The following ZNF469 variants were observed in gnomAD, a reference collection of about 807,000 sequenced individuals.
The protein encoded by ZNF469 is zinc finger protein 469.
ZNF469 carries 1 observed loss-of-function variant against 1.0 expected under a neutral mutation model. The ratio of observed to expected loss-of-function variants is 1.00; its 90% CI spans 0.35 to 4.73. The LOEUF is 4.73. Ranked by LOEUF, ZNF469 falls within the 30% of genes most tolerant of loss-of-function variation. The pLI is 0.16. For synonymous variants in ZNF469, 2,703 were observed against 2,363.4 expected, an observed-to-expected ratio of 1.14 and a Z score of -4.17; for missense variants, 6,100 against 5,356.3, an observed-to-expected ratio of 1.14 and a Z score of -4.33.
the ZNF469 span, among the ~76,000 whole-genome samples, chr16:88,240,463 G>A: frequency 2.0e-5 from 3 of 152,288 alleles, no homozygotes; most frequent in African/African-American, 4.8e-5. Context: ...GTATGGGATC[G>A]GTCACGGGCA....
chr16:88,188,929 G>A, the ZNF469 span, among the ~76,000 whole-genome samples: 5 of 151,984 alleles, frequency 3.3e-5, no homozygotes, highest in Non-Finnish European at 7.4e-5. Context: ...CACGTAGGAG[G>A]CACCTCAAAT....
rs559858759 is a variant in ZNF469 at position 88,425,200 on chromosome 16, C to T, written c.-127+329C>T. ...CAGCTGTGTTCTCAACACTCCTCCC[C>T]ACCATCCAGGACTCCGTAAAGGCCA... On this transcript the variant is annotated intron_variant, in intron 2 of 2. Transcript: ENST00000565624. Among the ~76,000 whole-genome samples, 3 of 152,310 alleles carry T rather than the reference C, an allele frequency of 2.0e-5. No homozygotes were observed. In the South Asian group the frequency reaches 6.2e-4, roughly 32 times the overall value.
chr16:88,305,502 G>A, the ZNF469 span, among the ~76,000 whole-genome samples: 1 of 117,552 alleles, frequency 8.5e-6, no homozygotes, highest in African/African-American at 3.4e-5. Flanking sequence ...AGGCACACAC[G>A]CACACCCTCA....
chr16:88,380,316 C>A (rs1293354521), upstream of ZNF469, among the ~76,000 whole-genome samples: 1 of 137,200 alleles, frequency 7.3e-6, no homozygotes, highest in Non-Finnish European at 1.5e-5. Context: ...CACAGACATG[C>A]ACTCACACAT....
chr16:88,333,995 T>A, the ZNF469 span, among the ~76,000 whole-genome samples: 1 of 149,190 alleles, frequency 6.7e-6, no homozygotes, highest in African/African-American at 2.5e-5. Flanking sequence ...TCTGTGTGTG[T>A]CTGTGTCTAT....
the ZNF469 span, among the ~76,000 whole-genome samples, chr16:88,117,508 C>G: frequency 6.6e-6 from 1 of 151,418 alleles, no homozygotes; most frequent in East Asian, 1.9e-4. Flanking sequence ...CTAGAAGACC[C>G]TGGGGAGGGC....
At chr16:88,420,075 G>C (rs868333771) in intron 1 of ZNF469, among the ~76,000 whole-genome samples, 1 of 152,224 alleles carries the variant, frequency 6.6e-6, no homozygotes, top group Non-Finnish European at 1.5e-5. Context: ...CCACACGCAG[G>C]TTCCATGTGT....
rs969575813 is a variant in ZNF469, at chr16:88,424,842, G to C, written c.-156G>C. On this transcript the variant is annotated 5_prime_UTR_variant, in exon 2 of 3. Transcript: ENST00000565624. This position sits in a 1 kb window ranked among gnomAD's most constrained non-coding sequence, Gnocchi z 4.3. Reference sequence around the variant, plus strand: ...CTCATTCCTCAGGAAGTTGTGCGGCGACCCAGCTGAGGGGCCCCCGACTCC... The same window carrying C: ...CTCATTCCTCAGGAAGTTGTGCGGCCACCCAGCTGAGGGGCCCCCGACTCC... Among the ~76,000 whole-genome samples, 1 of 152,150 alleles carries C rather than the reference G, an allele frequency of 6.6e-6. No individual in the cohort carries two copies. The highest frequency in any genetic ancestry group is 1.5e-5 in the Non-Finnish European group (1 of 68,028).
chr16:88,333,884 G>GTGTGTGTT, the ZNF469 span, among the ~76,000 whole-genome samples: 1 of 151,524 alleles, frequency 6.6e-6, no homozygotes, highest in Non-Finnish European at 1.5e-5. Context: ...GTGTGTTTGT[G>GTGTGTGTT]TGTCTGTGTG....
the ZNF469 span, among the ~76,000 whole-genome samples, chr16:88,141,769 A>G: frequency 3.9e-5 from 6 of 152,188 alleles, no homozygotes; most frequent in African/African-American, 1.4e-4. Context: ...ATGGCAGCAG[A>G]GGTCGTGGTG....
At chr16:88,354,101 G>C in the ZNF469 span, among the ~76,000 whole-genome samples, 2 of 152,242 alleles carry the variant, frequency 1.3e-5, no homozygotes, top group African/African-American at 4.8e-5. Context: ...TTCACAAACA[G>C]TGGGTACTCA....
the ZNF469 span, among the ~76,000 whole-genome samples, chr16:88,305,543 CAT>C: frequency 6.7e-5 from 10 of 149,908 alleles, no homozygotes; most frequent in South Asian, 2.2e-4. Flanking sequence ...CACAGGCACA[CAT>C]GTGTGCACAC....
In ZNF469 at chr16:88,436,196, C is replaced by G; in HGVS notation, c.8726C>G (p.Pro2909Arg). ...CCCACGCTGGGCCCAGCCCGCCTGC[C>G]CACGGACCTCAGCGACTCCAGCTCC... The part of the protein sequence containing the change: ...GDPTLGPARL[P>R]TDLSDSSSLC... Residue 2909 changes from proline to arginine, a missense_variant, in exon 3 of 3, where the codon CCC (proline) becomes CGC (arginine). Transcript: ENST00000565624. 6.5e-7 allele frequency: 1 copy of G among 1,548,158 alleles called. No homozygotes were observed. Among genetic ancestry groups the G allele is most frequent in the Non-Finnish European group, 8.7e-7 (1 of 1,146,868 alleles).
chr16:88,437,297 G>C lies in ZNF469; in HGVS notation c.9827G>C (p.Arg3276Pro). Residue 3276 changes from arginine to proline, a missense_variant, in exon 3 of 3, where the codon CGC becomes CCC. Physicochemically the swap from Arg to Pro is moderately radical, Grantham distance 103 (BLOSUM62 -2). Transcript: ENST00000565624. ...SPGERAKPRA[R>P]STPSNPDGAA... is the part of the protein sequence containing the mutation. ...GGCGAGAGGGCGAAACCCCGGGCACGCAGCACCCCCAGCAACCCAGACGGG... is the reference window on the plus strand; with the variant it reads ...GGCGAGAGGGCGAAACCCCGGGCACCCAGCACCCCCAGCAACCCAGACGGG... 6.5e-7 allele frequency: 1 copy of C among 1,547,522 alleles called. No individual in the cohort carries two copies. Among genetic ancestry groups the C allele is most frequent in the Non-Finnish European group, 8.7e-7 (1 of 1,145,374 alleles).
At chr16:88,367,999 C>G in the ZNF469 span, among the ~76,000 whole-genome samples, 1 of 152,210 alleles carries the variant, frequency 6.6e-6, no homozygotes, top group Non-Finnish European at 1.5e-5. Context: ...GATCTCAACT[C>G]CACTCCAGAT....
intron 1 of ZNF469, among the ~76,000 whole-genome samples, chr16:88,393,815 A>C (rs1374902374): frequency 4.6e-5 from 7 of 152,232 alleles, no homozygotes; most frequent in Non-Finnish European, 1.0e-4. Context: ...TCCAACCACA[A>C]GTGGGGCGGA....
At chr16:88,379,337 G>A (rs8044974), upstream of ZNF469, among the ~76,000 whole-genome samples, 4,474 of 152,186 alleles carry the variant, frequency 0.029, 230 homozygotes, top group African/African-American at 0.1. Context: ...AGGACCACCC[G>A]GGAGCCTTCC....
At chr16:88,323,932 C>T in the ZNF469 span, among the ~76,000 whole-genome samples, 39 of 152,342 alleles carry the variant, frequency 2.6e-4, no homozygotes, top group South Asian at 2.1e-4. Flanking sequence ...CAGTTCCCTA[C>T]CATGGTAGAA....
the ZNF469 span, among the ~76,000 whole-genome samples, chr16:88,303,006 C>T: frequency 3.3e-5 from 5 of 152,208 alleles, no homozygotes; most frequent in Non-Finnish European, 4.4e-5. Flanking sequence ...ACTCCTGTCC[C>T]GGGTGCCAGT....
Sources: allele counts gnomAD v4.1 joint callset (sites outside exome capture counted in the v4.1 genomes callset), GRCh38; gene constraint gnomAD v4.1.1; non-coding constraint Gnocchi (gnomAD v3.1); transcripts MANE v1.5; gene names NCBI Gene and HGNC (gene_info 2026-07-23, HGNC 2026-07-21).